PLEKHA3: variants seen among roughly 807,000 people sequenced by gnomAD.
The protein encoded by PLEKHA3 is pleckstrin homology domain-containing family A member 3.
A neutral mutation model predicts 39.2 loss-of-function variants in PLEKHA3; 19 were observed. The observed-to-expected ratio is 0.48, with a 90% CI of 0.34 to 0.71. The LOEUF is 0.71. Ranked by LOEUF, PLEKHA3 falls within the 30% of genes least tolerant of loss-of-function variation. The pLI, the probability that PLEKHA3 is intolerant of heterozygous loss-of-function variation, is 0.01. For synonymous variants in PLEKHA3, 97 were observed against 118.6 expected, an observed-to-expected ratio of 0.82 and a Z score of 1.18; for missense variants, 253 against 359.5, an observed-to-expected ratio of 0.70 and a Z score of 2.40.
At position 178,507,471 on chromosome 2, in the gene PLEKHA3, A is replaced by G. The variant is rs1332537004; in HGVS notation, c.*3584A>G. On this transcript the variant is annotated 3_prime_UTR_variant, in exon 8 of 8. Transcript: ENST00000234453. ...GTCACAATGACTATCCAAAGGCTTA[A>G]ATGCTGAAAAACATCAGATAATCGT... The G allele has an allele frequency of 6.6e-6, 1 of 152,130 alleles. No individual in the cohort carries two copies. Among genetic ancestry groups the G allele is most frequent in the Non-Finnish European group, 1.5e-5 (1 of 68,008 alleles). 9.4% of individuals were successfully genotyped at this position (152,130 alleles called of 1,614,324 possible).
In PLEKHA3 at chr2:178,505,203, C is replaced by CT. The variant is rs1685585904; in HGVS notation, c.*1317dup. ...ACAAATGAAGCATAATTTTTGTTGC[C>CT]TGTGAGCTTAGAATGGTGTGACCTA... is the stretch of plus-strand genomic sequence containing the variant. On this transcript the variant is annotated 3_prime_UTR_variant, in exon 8 of 8. Coordinates refer to ENST00000234453, the MANE Select transcript of PLEKHA3 (RefSeq NM_019091.4). 6.6e-6 allele frequency: 1 copy of CT among 152,044 alleles called. No individual in the cohort carries two copies. The highest frequency in any genetic ancestry group is 2.4e-5 in the African/African-American group (1 of 41,354). The allele number at this position is 152,044 out of a possible 1,614,324, so 9.4% of individuals were successfully genotyped here. A position where few individuals can be genotyped will look rare whatever the true frequency, so the allele number is the denominator to read the frequency against.
intron 1 of PLEKHA3, among the ~76,000 whole-genome samples, chr2:178,483,740 A>G (rs925490671): frequency 6.6e-6 from 1 of 152,236 alleles, no homozygotes; most frequent in Non-Finnish European, 1.5e-5. Flanking sequence ...TGATCAATAC[A>G]ATATACTCTC....
At chr2:178,489,573 C>T (rs1189984279) in intron 2 of PLEKHA3, among the ~76,000 whole-genome samples, 1 of 150,320 alleles carries the variant, frequency 6.7e-6, no homozygotes, top group Non-Finnish European at 1.5e-5. Context: ...CTTGCCTCAG[C>T]CTTCCGCCTC....
In PLEKHA3 at chr2:178,506,716, C is replaced by T. The variant is rs2154128128; in HGVS notation, c.*2829C>T. 1 of 152,286 alleles carries T rather than the reference C, an allele frequency of 6.6e-6. No individual in the cohort carries two copies. Among genetic ancestry groups the T allele is most frequent in the Non-Finnish European group, 1.5e-5 (1 of 68,020 alleles). 9.4% of individuals were successfully genotyped at this position (152,286 alleles called of 1,614,324 possible). On this transcript the variant is annotated 3_prime_UTR_variant, in exon 8 of 8. Coordinates refer to ENST00000234453, the MANE Select transcript of PLEKHA3 (RefSeq NM_019091.4). ...CTGCTAGTTCTTTTATTTAATAAGGCACCTCTAGGTCTGTACTTTGAGCCT... is the reference window on the plus strand; with the variant it reads ...CTGCTAGTTCTTTTATTTAATAAGGTACCTCTAGGTCTGTACTTTGAGCCT...
At chr2:178,499,091 C>T (rs1685491222) in intron 5 of PLEKHA3, 120 bp from the exon 6 acceptor site, 3 of 859,834 alleles carry the variant, frequency 3.5e-6, no homozygotes, top group Admixed American at 6.8e-5. Flanking sequence ...TTTTTTTTTG[C>T]CAGTTATCTT....
chr2:178,513,879 A>G lies in PLEKHA3; in HGVS notation c.*9992A>G, dbSNP rs1404773826. The G allele has an allele frequency of 1.3e-5, 2 of 152,206 alleles. No individual in the cohort carries two copies. The highest frequency in any genetic ancestry group is 4.8e-5 in the African/African-American group (2 of 41,442). The allele number at this position is 152,206 out of a possible 1,614,324, so 9.4% of individuals were successfully genotyped here. A position where few individuals can be genotyped will look rare whatever the true frequency, so the allele number is the denominator to read the frequency against. ...TTCATTTGACAAATTTATATGGTAA[A>G]TGAGCATAAAATGAATATCTTTTCA... is the stretch of plus-strand genomic sequence containing the variant. On this transcript the variant is annotated 3_prime_UTR_variant, in exon 8 of 8. Transcript: ENST00000234453.
rs1685431661 is a variant in PLEKHA3 at position 178,495,734 on chromosome 2, A to G, written c.615+74A>G. 20 of 1,481,986 alleles carry G rather than the reference A, an allele frequency of 1.3e-5. No individual in the cohort carries two copies. In the South Asian group the frequency reaches 2.7e-4, roughly 20 times the overall value. The allele number at this position is 1,481,986 out of a possible 1,614,324, so 91.8% of individuals were successfully genotyped here. A position where few individuals can be genotyped will look rare whatever the true frequency, so the allele number is the denominator to read the frequency against. On this transcript the variant is annotated intron_variant, in intron 5 of 7. Transcript: ENST00000234453. ...TGGTTTTCGTTTCATTTTGGTATTTATTTTTAAGGGTGGAAGCAGGCAGTT... is the reference window on the plus strand; with the variant it reads ...TGGTTTTCGTTTCATTTTGGTATTTGTTTTTAAGGGTGGAAGCAGGCAGTT...
At chr2:178,488,656 A>G (rs1685295410) in intron 2 of PLEKHA3, among the ~76,000 whole-genome samples, 1 of 152,226 alleles carries the variant, frequency 6.6e-6, no homozygotes, top group Admixed American at 6.5e-5. Context: ...TCTGATAGCC[A>G]AAGTCTCCTA....
At position 178,510,236 on chromosome 2, in the gene PLEKHA3, A is replaced by C. The variant is rs570613718; in HGVS notation, c.*6349A>C. The C allele has an allele frequency of 2.0e-5, 3 of 153,386 alleles. No homozygotes were observed. In the Admixed American group the frequency reaches 2.0e-4, roughly 10 times the overall value. The allele number at this position is 153,386 out of a possible 1,614,324, so 9.5% of individuals were successfully genotyped here. On this transcript the variant is annotated 3_prime_UTR_variant, in exon 8 of 8. Transcript: ENST00000234453. ...AGGTGTTAGGTGTTATCTTTCTAAG[A>C]AACATTCAAGCCTTAAGAAATCCAA...
At chr2:178,491,258 G>A (rs1288204048) in intron 3 of PLEKHA3, among the ~76,000 whole-genome samples, 1 of 152,076 alleles carries the variant, frequency 6.6e-6, no homozygotes, top group Non-Finnish European at 1.5e-5. Flanking sequence ...TAATCCGCTC[G>A]CCTCGGCCTC....
intron 3 of PLEKHA3, among the ~76,000 whole-genome samples, chr2:178,492,940 T>G (rs1685375766): frequency 6.6e-6 from 1 of 152,234 alleles, no homozygotes; most frequent in Non-Finnish European, 1.5e-5. Context: ...CACAGTTTTT[T>G]TTAAAAAGGA....
At chr2:178,487,538 AGGT>A (rs1239926132) in intron 2 of PLEKHA3, among the ~76,000 whole-genome samples, 1 of 151,922 alleles carries the variant, frequency 6.6e-6, no homozygotes, top group Non-Finnish European at 1.5e-5. Flanking sequence ...TCCTGGGTTC[AGGT>A]GATCCTCCTA....
In PLEKHA3 at chr2:178,515,789, C is replaced by G. The variant is rs1685753701; in HGVS notation, c.*11902C>G. On this transcript the variant is annotated 3_prime_UTR_variant, in exon 8 of 8. Coordinates refer to ENST00000234453, the MANE Select transcript of PLEKHA3 (RefSeq NM_019091.4). Reference sequence around the variant, plus strand: ...TTAATATCTTAGATACAATGACTATCTTAATTATAATTGGCTTTCCAAAAT... The same window carrying G: ...TTAATATCTTAGATACAATGACTATGTTAATTATAATTGGCTTTCCAAAAT... The G allele has an allele frequency of 1.3e-5, 2 of 152,160 alleles. No homozygotes were observed. The highest frequency in any genetic ancestry group is 3.9e-4 in the East Asian group (2 of 5,188). The allele number at this position is 152,160 out of a possible 1,614,324, so 9.4% of individuals were successfully genotyped here.
chr2:178,484,812 G>C (rs1685221198), intron 1 of PLEKHA3, among the ~76,000 whole-genome samples: 1 of 152,230 alleles, frequency 6.6e-6, no homozygotes, highest in Non-Finnish European at 1.5e-5. Flanking sequence ...AGAGGAGTGG[G>C]AATTGGGTGC....
In PLEKHA3 at chr2:178,490,834, T is replaced by G; in HGVS notation, c.313+20T>G. On this transcript the variant is annotated intron_variant, in intron 3 of 7. Transcript: ENST00000234453. ...AAAAAGGTAACTATAAACTTTTCCC[T>G]TGTGGTGAGAGTACTTTCTTAAATA... 1 of 1,578,670 alleles carries G rather than the reference T, an allele frequency of 6.3e-7. No homozygotes were observed. Among genetic ancestry groups the G allele is most frequent in the Non-Finnish European group, 8.6e-7 (1 of 1,162,708 alleles).
rs1043971725 is a variant in PLEKHA3, at chr2:178,480,804, C to G, written c.-66C>G. The stretch of plus-strand genomic sequence containing the variant: ...GGGCCGGGAGGGGCTGCCCCAGGCC[C>G]TGCGCCTACCCCATCACCGCGGCCG... On this transcript the variant is annotated 5_prime_UTR_variant, in exon 1 of 8. Coordinates refer to ENST00000234453, the MANE Select transcript of PLEKHA3 (RefSeq NM_019091.4). 172 of 1,294,262 alleles carry G rather than the reference C, an allele frequency of 1.3e-4. No individual in the cohort carries two copies. Among genetic ancestry groups the G allele is most frequent in the Non-Finnish European group, 1.6e-4 (163 of 1,006,432 alleles). The allele number at this position is 1,294,262 out of a possible 1,614,324, so 80.2% of individuals were successfully genotyped here.
At chr2:178,483,434 T>G (rs1156330744) in intron 1 of PLEKHA3, among the ~76,000 whole-genome samples, 1 of 152,230 alleles carries the variant, frequency 6.6e-6, no homozygotes, top group Non-Finnish European at 1.5e-5. Context: ...AATTAGAAAT[T>G]GTTTTATTAA....
At chr2:178,482,421 C>G (rs2154127478) in intron 1 of PLEKHA3, among the ~76,000 whole-genome samples, 1 of 152,068 alleles carries the variant, frequency 6.6e-6, no homozygotes, top group African/African-American at 2.4e-5. Flanking sequence ...CACCTGTAGT[C>G]CCAGTTACTG....
chr2:178,490,964 G>T (rs544462416), intron 3 of PLEKHA3, 150 bp downstream of exon 3: 64 of 461,830 alleles, frequency 1.4e-4, no homozygotes, highest in Middle Eastern at 6.8e-4. Flanking sequence ...TAAACATTTT[G>T]TAAAAGCTAT....
Sources: gnomAD v4.1 joint callset for allele counts (sites outside exome capture counted in the v4.1 genomes callset) on GRCh38, gnomAD v4.1.1 for gene constraint, MANE v1.5 for transcripts, NCBI Gene and HGNC (gene_info 2026-07-23, HGNC 2026-07-21) for gene names.